The following MDFI variants were observed in gnomAD, a reference collection of about 807,000 sequenced individuals.
The protein encoded by MDFI is MyoD family inhibitor, also known as inhibitor of MyoD family a.
Under a neutral mutation model 22.3 loss-of-function variants are expected in MDFI, and 16 were observed. The ratio of observed to expected loss-of-function variants is 0.72; its 90% CI spans 0.49 to 1.09. The LOEUF (loss-of-function observed/expected upper bound fraction) is 1.09. MDFI is among the 50% of genes least tolerant of loss of function. MDFI has a pLI of 0.00. For synonymous variants in MDFI, 145 were observed against 142.7 expected (o/e 1.02, Z -0.12); for missense variants, 314 against 326.1 (o/e 0.96, Z 0.29).
chr6:41,643,022 G>T (rs1292753684), intron 2 of MDFI, among the ~76,000 whole-genome samples: 1 of 152,132 alleles, frequency 6.6e-6, no homozygotes, highest in African/African-American at 2.4e-5. Context: ...AGAAGTCCTG[G>T]CTCTCTCTAC....
intron 2 of MDFI, chr6:41,639,994 C>T: frequency 1.1e-6 from 1 of 895,818 alleles, no homozygotes; most frequent in Non-Finnish European, 1.3e-6. Flanking sequence ...GTCTGGCCAA[C>T]AGCCAGCACA....
intron 2 of MDFI, among the ~76,000 whole-genome samples, chr6:41,641,975 T>C (rs115919896): frequency 0.013 from 1,996 of 152,268 alleles, 26 homozygotes; most frequent in Non-Finnish European, 0.018. Flanking sequence ...AACATGGCTC[T>C]CCCACTCCCA....
intron 2 of MDFI, among the ~76,000 whole-genome samples, chr6:41,640,718 C>G (rs1043399382): frequency 6.6e-6 from 1 of 152,246 alleles, no homozygotes; most frequent in Non-Finnish European, 1.5e-5. Context: ...GGCCTCCTCC[C>G]TCAGCCACCC....
At chr6:41,638,414 G>A (rs567276496), upstream of MDFI, 630 of 342,956 alleles carry the variant, frequency 1.8e-3, 3 homozygotes, top group African/African-American at 0.012. This position sits in a 1 kb window ranked among gnomAD's most constrained non-coding sequence, Gnocchi z 7.6. Context: ...CAGGGAAGAG[G>A]GGAGGGGAGA....
At chr6:41,648,042 C>CAAAAAAAAAAAAAAAAAAA (rs3050046) in intron 3 of MDFI, among the ~76,000 whole-genome samples, 1 of 65,548 alleles carries the variant, frequency 1.5e-5, no homozygotes, top group Non-Finnish European at 2.7e-5. Flanking sequence ...GACTCCGTCT[C>CAAAAAAAAAAAAAAAAAAA]AAAAAAAAAA....
At chr6:41,647,980 G>A (rs1203884791) in intron 3 of MDFI, among the ~76,000 whole-genome samples, 1 of 138,604 alleles carries the variant, frequency 7.2e-6, no homozygotes, top group Non-Finnish European at 1.5e-5. Flanking sequence ...GGAGGCGGAT[G>A]TTGCAGGGAG....
In MDFI at chr6:41,652,608, C is replaced by CTTTTTT. The variant is rs3050047; in HGVS notation, c.485-694_485-689dup. Among the ~76,000 whole-genome samples, 68 of 84,402 alleles carry CTTTTTT rather than the reference C, an allele frequency of 8.1e-4. 1 individual carries two copies. Among genetic ancestry groups the CTTTTTT allele is most frequent in the Non-Finnish European group, 1.1e-3 (54 of 47,222 alleles). The allele number at this position is 84,402 out of a possible 152,430, so 55.4% of individuals were successfully genotyped here. ...GTGTAGACTTAACTACTCTCCCTCT[C>CTTTTTT]TTTTTTTTTTTTTTTTTTTTTTGAG... On this transcript the variant is annotated intron_variant, in intron 4 of 4. Transcript: ENST00000230321.
chr6:41,649,710 G>C lies in MDFI; in HGVS notation c.351G>C (p.Gly117=). 1.2e-6 allele frequency: 2 copies of C among 1,614,090 alleles called. No individual in the cohort carries two copies. Among genetic ancestry groups the C allele is most frequent in the Non-Finnish European group, 1.7e-6 (2 of 1,180,010 alleles). The change falls in exon 4 of 5, where the codon GGG becomes GGC. Residue 117 remains glycine, a synonymous_variant. Coordinates refer to ENST00000230321, the MANE Select transcript of MDFI (RefSeq NM_005586.4). Reference sequence around the variant, plus strand: ...AGCTGGGCGGCACCAGACGGGCGGGGAATGGTGCCCTGGGTGGCCCCAAGG... The same window carrying C: ...AGCTGGGCGGCACCAGACGGGCGGGCAATGGTGCCCTGGGTGGCCCCAAGG... ...PSELGGTRRA[G]NGALGGPKAH... is the part of the protein sequence containing the mutation.
rs771448701 is a variant in MDFI at position 41,649,785 on chromosome 6, G to A, written c.426G>A (p.Lys142=). The A allele has an allele frequency of 6.2e-7, 1 of 1,614,082 alleles. No individual in the cohort carries two copies. The highest frequency in any genetic ancestry group is 1.1e-5 in the South Asian group (1 of 91,076). ...CATCTCTCGCCAGCCAGGGCAGCAA[G>A]AAGAGTAAGAGCAGCAGCAAATCCA... The part of the protein sequence containing the change: ...THPSLASQGS[K]KSKSSSKSTT... Residue 142 remains lysine, a synonymous_variant, in exon 4 of 5, where the codon AAG becomes AAA. Transcript: ENST00000230321.
At chr6:41,646,097 T>G in intron 2 of MDFI, 29 bp from the exon 3 acceptor site, 1 of 1,432,396 alleles carries the variant, frequency 7.0e-7, no homozygotes, top group Non-Finnish European at 9.2e-7. Flanking sequence ...CCCAGGAAAA[T>G]GGACCTCAGT....
chr6:41,645,841 C>A (rs1768029616), intron 2 of MDFI, among the ~76,000 whole-genome samples: 1 of 152,130 alleles, frequency 6.6e-6, no homozygotes, highest in South Asian at 2.1e-4. Flanking sequence ...GCCTCCTCTC[C>A]CTACTTCTCT....
intron 2 of MDFI, among the ~76,000 whole-genome samples, chr6:41,641,950 G>C (rs1398702270): frequency 2.6e-5 from 4 of 152,074 alleles, no homozygotes; most frequent in African/African-American, 9.7e-5. Flanking sequence ...CTTTCCTCTT[G>C]GGCTCATGGA....
intron 2 of MDFI, among the ~76,000 whole-genome samples, chr6:41,640,082 G>A (rs1419236682): frequency 1.3e-5 from 2 of 152,246 alleles, no homozygotes; most frequent in African/African-American, 4.8e-5. Flanking sequence ...CCCCTGCAAC[G>A]GGGCCTTCTG....
chr6:41,644,302 C>T (rs1352487755), intron 2 of MDFI, among the ~76,000 whole-genome samples: 52 of 152,204 alleles, frequency 3.4e-4, no homozygotes, highest in Admixed American at 3.4e-3. Context: ...CCATGGGCCC[C>T]GGGAAGGGTT....
chr6:41,640,256 T>C (rs73418066), intron 2 of MDFI, among the ~76,000 whole-genome samples: 2,219 of 152,112 alleles, frequency 0.015, 50 homozygotes, highest in African/African-American at 0.049. Context: ...ATCCTCTTAC[T>C]CTCTCCAGCT....
At position 41,653,523 on chromosome 6, in the gene MDFI, C is replaced by A; in HGVS notation, c.689C>A (p.Ala230Glu). Residue 230 changes from alanine to glutamate, a missense_variant, in exon 5 of 5, where the codon GCG becomes GAG. Coordinates refer to ENST00000230321, the MANE Select transcript of MDFI (RefSeq NM_005586.4). The surrounding 1 kb of genome is among the most constrained non-coding windows in gnomAD (Gnocchi z 4.2). ...ATCCTGGATGCCTGCTGCGAGTCCG[C>A]GGACTGCCTGGAGATCTGCATGGAG... is the stretch of plus-strand genomic sequence containing the variant. ...CGILDACCES[A>E]DCLEICMECC... is the part of the protein sequence containing the mutation. 6.2e-7 allele frequency: 1 copy of A among 1,601,800 alleles called. No individual in the cohort carries two copies. The highest frequency in any genetic ancestry group is 8.5e-7 in the Non-Finnish European group (1 of 1,179,962).
intron 3 of MDFI, 123 bp from the exon 4 acceptor site, chr6:41,649,496 A>T: frequency 1.2e-6 from 1 of 852,112 alleles, no homozygotes. Flanking sequence ...CATCTGCAGG[A>T]TACAGGTCTG....
In MDFI at chr6:41,646,298, A is replaced by G. The variant is rs767882342; in HGVS notation, c.249A>G (p.Glu83=). 2 of 1,439,888 alleles carry G rather than the reference A, an allele frequency of 1.4e-6. No homozygotes were observed. The highest frequency in any genetic ancestry group is 1.6e-5 in the South Asian group (1 of 63,472). 89.2% of individuals were successfully genotyped at this position (1,439,888 alleles called of 1,614,324 possible). The change falls in exon 3 of 5, where the codon GAA becomes GAG. Residue 83 remains glutamate, a synonymous_variant. Coordinates refer to ENST00000230321, the MANE Select transcript of MDFI (RefSeq NM_005586.4). ...GCACTGACCTCGACGTCCCCACAGAAGCTGTGACATGTGAGTCCTAGGGGG... is the reference window on the plus strand; with the variant it reads ...GCACTGACCTCGACGTCCCCACAGAGGCTGTGACATGTGAGTCCTAGGGGG... ...LDSTDLDVPT[E]AVTCQPQGNP... is the part of the protein sequence containing the mutation.
At chr6:41,639,077 GACACAC>G (rs145284051) in intron 2 of MDFI, among the ~76,000 whole-genome samples, 1 of 146,390 alleles carries the variant, frequency 6.8e-6, no homozygotes, top group African/African-American at 2.7e-5. Context: ...CCCGACACCA[GACACAC>G]ACACACACAC....
Sources: allele counts gnomAD v4.1 joint callset (sites outside exome capture counted in the v4.1 genomes callset), GRCh38; gene constraint gnomAD v4.1.1; non-coding constraint Gnocchi (gnomAD v3.1); transcripts MANE v1.5; gene names NCBI Gene and HGNC (gene_info 2026-07-23, HGNC 2026-07-21).